The following BIN1 variants were observed in gnomAD, a reference collection of about 807,000 sequenced individuals.
The protein encoded by BIN1 is myc box-dependent-interacting protein 1.
Under a neutral mutation model 82.0 loss-of-function variants are expected in BIN1, and 53 were observed. The observed-to-expected ratio is 0.65, with a 90% CI of 0.52 to 0.81. The LOEUF (loss-of-function observed/expected upper bound fraction) is 0.81. BIN1 is among the 40% of genes least tolerant of loss of function. The pLI, the probability that BIN1 is intolerant of heterozygous loss-of-function variation, is 0.00. For synonymous variants in BIN1, 302 were observed against 328.0 expected (o/e 0.92, Z 0.86); for missense variants, 642 against 784.4 (o/e 0.82, Z 2.17).
intron 1 of BIN1, among the ~76,000 whole-genome samples, chr2:127,095,419 C>A (rs1398883938): frequency 2.0e-5 from 3 of 152,218 alleles, no homozygotes; most frequent in Non-Finnish European, 2.9e-5. Context: ...GTATGGAAAT[C>A]CCAAGGTGAA....
chr2:127,058,929 G>T, intron 11 of BIN1, 82 bp downstream of exon 11: 1 of 1,531,816 alleles, frequency 6.5e-7, no homozygotes, highest in Non-Finnish European at 8.8e-7. Context: ...GGGGACAGAG[G>T]AGTGGGAGGA....
chr2:127,073,590 T>C (rs1233463723), intron 2 of BIN1, among the ~76,000 whole-genome samples: 3 of 151,924 alleles, frequency 2.0e-5, no homozygotes, highest in South Asian at 2.1e-4. Context: ...TCCCAGTGGG[T>C]CTAGGGGGCA....
intron 1 of BIN1, among the ~76,000 whole-genome samples, chr2:127,092,986 T>TAA (rs5834164): frequency 7.6e-6 from 1 of 131,922 alleles, no homozygotes; most frequent in Non-Finnish European, 1.7e-5. Context: ...CCAATCCCTC[T>TAA]AAAAAAAAAA....
intron 1 of BIN1, among the ~76,000 whole-genome samples, chr2:127,088,864 C>A (rs1056364356): frequency 1.3e-5 from 2 of 151,904 alleles, no homozygotes; most frequent in African/African-American, 4.8e-5. Context: ...AGACACCAGG[C>A]CAGGAAGGAA....
At chr2:127,088,708 C>T (rs1379525212) in intron 1 of BIN1, among the ~76,000 whole-genome samples, 1 of 151,324 alleles carries the variant, frequency 6.6e-6, no homozygotes, top group Non-Finnish European at 1.5e-5. Flanking sequence ...CACTGCACTC[C>T]AGCCAGGGCG....
intron 1 of BIN1, among the ~76,000 whole-genome samples, chr2:127,104,180 T>A (rs1394064433): frequency 2.0e-5 from 3 of 152,172 alleles, no homozygotes; most frequent in African/African-American, 7.2e-5. Flanking sequence ...CAATCCACCA[T>A]CAGCCTGCGT....
chr2:127,060,939 G>T (rs1684370379), intron 10 of BIN1, among the ~76,000 whole-genome samples: 1 of 152,176 alleles, frequency 6.6e-6, no homozygotes, highest in South Asian at 2.1e-4. Context: ...CTCCAGGTGT[G>T]CCCAGAGTGC....
rs142139452 is a variant in BIN1, at chr2:127,068,610, C to T, written c.519+314G>A. On this transcript the variant is annotated intron_variant, in intron 6 of 18. Transcript: ENST00000316724. This position sits in a 1 kb window ranked among gnomAD's most constrained non-coding sequence, Gnocchi z 4.9. ...GGACAGGTCGCCTGGGATCGCGTGA[C>T]GAATTCCACCCGGCTCGCCAGGCAG... is the stretch of plus-strand genomic sequence containing the variant. Among the ~76,000 whole-genome samples, 44 of 152,320 alleles carry T rather than the reference C, an allele frequency of 2.9e-4. 1 individual carries two copies. The highest frequency in any genetic ancestry group is 8.5e-4 in the Admixed American group (13 of 15,310).
In BIN1 at chr2:127,090,462, G is replaced by A. The variant is rs1397235203; in HGVS notation, c.85-13756C>T. On this transcript the variant is annotated intron_variant, in intron 1 of 18. Coordinates refer to ENST00000316724, the MANE Select transcript of BIN1 (RefSeq NM_139343.3). The surrounding 1 kb of genome is among the most constrained non-coding windows in gnomAD (Gnocchi z 6.4). ...CGCTGAGGACAGCCTGTCTCCACAG[G>A]CACGCACCCCACCCTTGGCCCCAGC... is the stretch of plus-strand genomic sequence containing the variant. 6.6e-6 allele frequency among the ~76,000 whole-genome samples: 1 copy of A among 152,214 alleles called. No individual in the cohort carries two copies. The highest frequency in any genetic ancestry group is 1.5e-5 in the Non-Finnish European group (1 of 68,036).
At chr2:127,051,367 G>A (rs1225338829) in intron 15 of BIN1, 124 bp from the exon 16 acceptor site, 5 of 949,900 alleles carry the variant, frequency 5.3e-6, no homozygotes, top group Non-Finnish European at 8.2e-6. Flanking sequence ...CTGGCAGCAG[G>A]GTCTAGAGCT....
Position 127,057,620 on chromosome 2 carries a change from T to C in BIN1, c.1003-19A>G, listed in dbSNP as rs1370588582. 1 of 1,500,102 alleles carries C rather than the reference T, an allele frequency of 6.7e-7. No homozygotes were observed. The highest frequency in any genetic ancestry group is 8.9e-7 in the Non-Finnish European group (1 of 1,118,354). 92.9% of individuals were successfully genotyped at this position (1,500,102 alleles called of 1,614,324 possible). ...TCCGGAGCTGTGGGTCGGCGGCGGG[T>C]GAGGGGCCGCGCGGGAAGGCACAGC... On this transcript the variant is annotated intron_variant, in intron 11 of 18. Transcript: ENST00000316724. This position sits in a 1 kb window ranked among gnomAD's most constrained non-coding sequence, Gnocchi z 5.0.
At chr2:127,081,090 C>T (rs1299230986) in intron 1 of BIN1, among the ~76,000 whole-genome samples, 1 of 152,190 alleles carries the variant, frequency 6.6e-6, no homozygotes, top group Non-Finnish European at 1.5e-5. Flanking sequence ...GGAGTCCTGC[C>T]ACCCTCCAAC....
At chr2:127,073,792 A>G (rs1215019143) in intron 2 of BIN1, among the ~76,000 whole-genome samples, 2 of 152,190 alleles carry the variant, frequency 1.3e-5, no homozygotes, top group African/African-American at 4.8e-5. Context: ...CTGGAAAGCT[A>G]CAGACGGACC....
chr2:127,095,504 C>G (rs1358640400), intron 1 of BIN1, among the ~76,000 whole-genome samples: 1 of 152,210 alleles, frequency 6.6e-6, no homozygotes, highest in South Asian at 2.1e-4. Context: ...CCACTCCCAC[C>G]CCCAAACATA....
chr2:127,106,819 C>T, intron 1 of BIN1, 41 bp downstream of exon 1: 1 of 1,563,412 alleles, frequency 6.4e-7, no homozygotes, highest in Non-Finnish European at 8.6e-7. Flanking sequence ...GGCTCCGCGG[C>T]GGCTGGGACT....
intron 1 of BIN1, among the ~76,000 whole-genome samples, chr2:127,084,800 C>G (rs1298707138): frequency 6.6e-6 from 1 of 152,198 alleles, no homozygotes; most frequent in Non-Finnish European, 1.5e-5. Context: ...CAGCTGCCCT[C>G]TGAGCCCATT....
At chr2:127,053,294 G>A in intron 14 of BIN1, 128 bp downstream of exon 14, 1 of 1,359,496 alleles carries the variant, frequency 7.4e-7, no homozygotes, top group Non-Finnish European at 1.0e-6. Flanking sequence ...GCACGTGCCT[G>A]TGTGTCCTGC....
At chr2:127,081,802 GA>G (rs1687323151) in intron 1 of BIN1, 1 of 1,286,498 alleles carries the variant, frequency 7.8e-7, no homozygotes, top group Non-Finnish European at 1.0e-6. Context: ...CCCAGCTGCT[GA>G]GACCCCAGAA....
rs934826 is a variant in BIN1 at position 127,068,392 on chromosome 2, G to A, written c.520-137C>T. The A allele has an allele frequency of 0.23, 146,053 of 630,694 alleles. 18,970 individuals carry two copies. Among genetic ancestry groups the A allele is most frequent in the South Asian group, 0.37 (19,363 of 52,378 alleles). The allele number at this position is 630,694 out of a possible 1,614,324, so 39.1% of individuals were successfully genotyped here. A position where few individuals can be genotyped will look rare whatever the true frequency, so the allele number is the denominator to read the frequency against. On this transcript the variant is annotated intron_variant, in intron 6 of 18. Transcript: ENST00000316724. The surrounding 1 kb of genome is among the most constrained non-coding windows in gnomAD (Gnocchi z 4.9). ...ACCCCAAGCAGATATGGGCCCTTGA[G>A]GCCGAGAGAATTAGGGGGAGCCCGG...
Sources: gnomAD v4.1 joint callset for allele counts (sites outside exome capture counted in the v4.1 genomes callset) on GRCh38, gnomAD v4.1.1 for gene constraint, Gnocchi (gnomAD v3.1) non-coding constraint, MANE v1.5 for transcripts, NCBI Gene and HGNC (gene_info 2026-07-23, HGNC 2026-07-21) for gene names.